The following SMARCC1 variants were observed in gnomAD, a reference collection of about 807,000 sequenced individuals.
SMARCC1 encodes SWI/SNF complex subunit SMARCC1.
In SMARCC1, 43 loss-of-function variants were observed where a neutral mutation model predicts 147.4. The observed-to-expected ratio is 0.29, with a 90% CI of 0.23 to 0.38. The LOEUF (loss-of-function observed/expected upper bound fraction) is 0.38. SMARCC1 is among the 10% of genes least tolerant of loss of function. The pLI is 1.00. For missense variants in SMARCC1, 1,119 were observed against 1,381.1 expected, an observed-to-expected ratio of 0.81 and a Z score of 3.01; for synonymous variants, 495 against 484.4, an observed-to-expected ratio of 1.02 and a Z score of -0.29.
chr3:47,675,372 G>A, intron 18 of SMARCC1, 103 bp downstream of exon 18: 1 of 573,632 alleles, frequency 1.7e-6, no homozygotes, highest in African/African-American at 1.9e-5. Context: ...AATCATAATT[G>A]TTTTTAAAAA....
chr3:47,747,284 G>T (rs1052352487), intron 2 of SMARCC1, among the ~76,000 whole-genome samples: 7 of 151,554 alleles, frequency 4.6e-5, no homozygotes, highest in African/African-American at 4.8e-5. Context: ...AAATGCAAAA[G>T]AAATTAGCCA....
chr3:47,732,845 C>T (rs1016109605), intron 5 of SMARCC1, among the ~76,000 whole-genome samples: 3 of 152,142 alleles, frequency 2.0e-5, no homozygotes, highest in African/African-American at 7.2e-5. Context: ...CGCGGTGGCT[C>T]ACACCTGTAA....
At chr3:47,743,723 G>A (rs974467829) in intron 3 of SMARCC1, among the ~76,000 whole-genome samples, 1 of 150,882 alleles carries the variant, frequency 6.6e-6, no homozygotes, top group Admixed American at 6.7e-5. Flanking sequence ...TGAGGCAGGA[G>A]AACTGCTTGA....
intron 14 of SMARCC1, among the ~76,000 whole-genome samples, chr3:47,683,203 C>A (rs1279861080): frequency 6.6e-6 from 1 of 152,018 alleles, no homozygotes; most frequent in South Asian, 2.1e-4. Flanking sequence ...CCACCACGCC[C>A]GGCTCATTTT....
At chr3:47,627,364 C>T (rs1186597583) in intron 24 of SMARCC1, among the ~76,000 whole-genome samples, 1 of 151,894 alleles carries the variant, frequency 6.6e-6, no homozygotes, top group African/African-American at 2.4e-5. Context: ...GTGGATATGG[C>T]TGGGGCATTT....
intron 9 of SMARCC1, among the ~76,000 whole-genome samples, chr3:47,707,267 A>G (rs752515163): frequency 6.6e-6 from 1 of 151,736 alleles, no homozygotes. Context: ...AATCATGATC[A>G]TGTCACTGCA....
At chr3:47,640,952 C>T (rs931709616) in intron 21 of SMARCC1, among the ~76,000 whole-genome samples, 6 of 152,078 alleles carry the variant, frequency 3.9e-5, no homozygotes, top group African/African-American at 1.4e-4. Context: ...TAATTAAATG[C>T]ATTGAAAAGT....
At chr3:47,730,172 A>AAAAAAAT (rs1187393487) in intron 5 of SMARCC1, among the ~76,000 whole-genome samples, 4 of 152,068 alleles carry the variant, frequency 2.6e-5, no homozygotes, top group East Asian at 1.9e-4. Flanking sequence ...ACTCCGTCTC[A>AAAAAAAT]AAAAAATAAA....
At chr3:47,652,602 G>T (rs2033203319) in intron 21 of SMARCC1, among the ~76,000 whole-genome samples, 1 of 138,358 alleles carries the variant, frequency 7.2e-6, no homozygotes, top group Admixed American at 7.9e-5. Flanking sequence ...ACCTCTCCAT[G>T]CCTCAGTTTC....
In SMARCC1 at chr3:47,590,750, G is replaced by C; in HGVS notation, c.3131C>G (p.Ser1044Cys). 6.2e-7 allele frequency: 1 copy of C among 1,604,462 alleles called. No homozygotes were observed. The highest frequency in any genetic ancestry group is 8.5e-7 in the Non-Finnish European group (1 of 1,176,230). The change falls in exon 27 of 28, where the codon TCT becomes TGT. Residue 1044 changes from serine to cysteine, a missense_variant. This residue lies in a region of SMARCC1 where 186 missense variants were observed against 216.5 expected (regional missense o/e 0.86). Transcript: ENST00000254480. ...IPTVAANIHP[S>C]GSGPTPPGMP... ...GCCAGGAGGGGTAGGGCCACTCCCAGAGGGGTGGATGTTGGCTGCAACAGT... is the reference window on the plus strand; with the variant it reads ...GCCAGGAGGGGTAGGGCCACTCCCACAGGGGTGGATGTTGGCTGCAACAGT...
intron 17 of SMARCC1, among the ~76,000 whole-genome samples, chr3:47,676,154 T>C (rs2033570286): frequency 6.6e-6 from 1 of 152,186 alleles, no homozygotes; most frequent in Admixed American, 6.6e-5. Flanking sequence ...ATACCTTAGG[T>C]TCCTGTGAAT....
At chr3:47,776,424 A>G (rs2034976139) in intron 1 of SMARCC1, among the ~76,000 whole-genome samples, 1 of 152,128 alleles carries the variant, frequency 6.6e-6, no homozygotes. Context: ...CAACATGGCC[A>G]AACTCCATCT....
intron 6 of SMARCC1, among the ~76,000 whole-genome samples, chr3:47,728,078 C>CTTTTTTTTTTT (rs1166964500): frequency 8.8e-5 from 5 of 56,860 alleles, no homozygotes; most frequent in African/African-American, 1.5e-4. Context: ...TTATTAGTCC[C>CTTTTTTTTTTT]TTTTTTTTTT....
chr3:47,724,745 T>C (rs1369240707), intron 6 of SMARCC1, among the ~76,000 whole-genome samples: 3 of 152,060 alleles, frequency 2.0e-5, no homozygotes, highest in African/African-American at 7.2e-5. Flanking sequence ...TTCTGCCAGA[T>C]GAAAAAGTTC....
intron 21 of SMARCC1, among the ~76,000 whole-genome samples, chr3:47,653,891 G>T (rs991073448): frequency 9.2e-5 from 14 of 152,142 alleles, no homozygotes; most frequent in African/African-American, 3.4e-4. Context: ...CCACTCAAAG[G>T]TCAGCCCTTG....
At chr3:47,650,172 A>C (rs2033170235) in intron 21 of SMARCC1, among the ~76,000 whole-genome samples, 1 of 151,720 alleles carries the variant, frequency 6.6e-6, no homozygotes, top group Admixed American at 6.6e-5. Context: ...GCTACTTGGG[A>C]GGCTGAGGCA....
chr3:47,684,235 G>A (rs1271568933), intron 14 of SMARCC1, among the ~76,000 whole-genome samples: 4 of 128,734 alleles, frequency 3.1e-5, no homozygotes, highest in East Asian at 2.5e-4. Context: ...GCGAGACTCC[G>A]TCTCAAAAAA....
At chr3:47,602,272 A>T (rs2032399738) in intron 26 of SMARCC1, among the ~76,000 whole-genome samples, 1 of 152,070 alleles carries the variant, frequency 6.6e-6, no homozygotes, top group Non-Finnish European at 1.5e-5. Flanking sequence ...AGGCTGGGCG[A>T]CACAGCAAAA....
rs1223552678 is a variant in SMARCC1 at position 47,587,697 on chromosome 3, T to C, written c.*512A>G. ...AGAAAAGCAGAAATAAGGTCACTTA[T>C]AATGCCTTAAGGTTTGTCCCCTGTG... On this transcript the variant is annotated 3_prime_UTR_variant, in exon 28 of 28. Coordinates refer to ENST00000254480, the MANE Select transcript of SMARCC1 (RefSeq NM_003074.4). 6.5e-6 allele frequency: 1 copy of C among 153,190 alleles called. No individual in the cohort carries two copies. Among genetic ancestry groups the C allele is most frequent in the East Asian group, 1.9e-4 (1 of 5,204 alleles). 9.5% of individuals were successfully genotyped at this position (153,190 alleles called of 1,614,324 possible).
Sources: allele counts gnomAD v4.1 joint callset (sites outside exome capture counted in the v4.1 genomes callset), GRCh38; gene constraint gnomAD v4.1.1; regional missense constraint gnomAD v4.1.1; transcripts MANE v1.5; gene names NCBI Gene and HGNC (gene_info 2026-07-23, HGNC 2026-07-21).